COL22A1: variants seen among roughly 807,000 people sequenced by gnomAD.
COL22A1 encodes collagen type XXII alpha 1 chain.
COL22A1 carries 221 observed loss-of-function variants against 248.9 expected under a neutral mutation model. The observed-to-expected ratio is 0.89, with a 90% CI of 0.80 to 0.99. The LOEUF (loss-of-function observed/expected upper bound fraction) is 0.99. Among genes scored for constraint, COL22A1 ranks in the 50% least tolerant of loss-of-function variants. The probability of loss-of-function intolerance (pLI) is 0.00; values close to 1 mark genes in which losing one functional copy is unlikely to be tolerated. For missense variants in COL22A1, 2,240 were observed against 2,179.0 expected (o/e 1.03, Z -0.56); for synonymous variants, 891 against 793.4 (o/e 1.12, Z -2.07).
In COL22A1 at chr8:138,879,657, C is replaced by T. The variant is rs1021160403; in HGVS notation, c.92-1341G>A. ...AGTGAGCCAATATCACATCACTGCC[C>T]TCCAGCCTGGGTGACAGAGTGAGAC... is the stretch of plus-strand genomic sequence containing the variant. On this transcript the variant is annotated intron_variant, in intron 2 of 64. Transcript: ENST00000303045. 4.1e-5 allele frequency among the ~76,000 whole-genome samples: 6 copies of T among 145,218 alleles called. No individual in the cohort carries two copies. The Admixed American group carries it at 4.2e-4, about 10-fold the overall frequency.
At chr8:138,882,000 G>A (rs1314419402) in intron 2 of COL22A1, among the ~76,000 whole-genome samples, 2 of 152,074 alleles carry the variant, frequency 1.3e-5, no homozygotes, top group Non-Finnish European at 2.9e-5. Context: ...CAACTACCGG[G>A]TCTACTACAT....
intron 12 of COL22A1, among the ~76,000 whole-genome samples, chr8:138,783,917 T>C (rs1233483793): frequency 6.6e-6 from 1 of 152,094 alleles, no homozygotes; most frequent in Non-Finnish European, 1.5e-5. Context: ...TTCAAGGGCA[T>C]GGAAGGACCT....
chr8:138,713,724 G>A (rs959329094), intron 30 of COL22A1, among the ~76,000 whole-genome samples: 7 of 145,364 alleles, frequency 4.8e-5, no homozygotes, highest in East Asian at 3.9e-4. Flanking sequence ...CCACCGCCCC[G>A]CCGTAGGGGG....
At chr8:138,630,605 C>T (rs780002927) in intron 50 of COL22A1, 90 bp downstream of exon 50, 19 of 1,096,694 alleles carry the variant, frequency 1.7e-5, no homozygotes, top group Middle Eastern at 4.0e-4. Flanking sequence ...ACAGGAGGCA[C>T]ACAGGACAAG....
intron 2 of COL22A1, among the ~76,000 whole-genome samples, chr8:138,881,732 G>C (rs1294968239): frequency 6.6e-6 from 1 of 152,200 alleles, no homozygotes. Flanking sequence ...TGGGCTCAGC[G>C]TTTTGCTTCC....
At chr8:138,658,154 A>T (rs1823461022) in intron 44 of COL22A1, among the ~76,000 whole-genome samples, 1 of 152,146 alleles carries the variant, frequency 6.6e-6, no homozygotes, top group South Asian at 2.1e-4. Context: ...CTGGAGAAAC[A>T]CTTTGGGTCA....
At chr8:138,811,199 G>A (rs1818179419) in intron 9 of COL22A1, among the ~76,000 whole-genome samples, 1 of 136,852 alleles carries the variant, frequency 7.3e-6, no homozygotes, top group South Asian at 2.4e-4. Context: ...TAGGACGGTC[G>A]TGGTGGTGTT....
chr8:138,838,234 G>A (rs1820584628), intron 4 of COL22A1, among the ~76,000 whole-genome samples: 1 of 152,144 alleles, frequency 6.6e-6, no homozygotes, highest in African/African-American at 2.4e-5. Flanking sequence ...GGCCACCTGA[G>A]GAATCTCACA....
chr8:138,811,927 A>G lies in COL22A1; in HGVS notation c.1327-6T>C. ...GTCACCACGGTCACCTGGCACTGGA[A>G]GGAAAGCCCAGGAGGTCAGAACCTG... On this transcript the variant is annotated splice_polypyrimidine_tract_variant and splice_region_variant and intron_variant, in intron 8 of 64. Coordinates refer to ENST00000303045, the MANE Select transcript of COL22A1 (RefSeq NM_152888.3). 6.5e-7 allele frequency: 1 copy of G among 1,538,438 alleles called. No homozygotes were observed. The highest frequency in any genetic ancestry group is 1.2e-5 in the South Asian group (1 of 80,786).
chr8:138,877,471 T>C (rs112067393), intron 3 of COL22A1, among the ~76,000 whole-genome samples: 48 of 152,238 alleles, frequency 3.2e-4, no homozygotes, highest in African/African-American at 1.1e-3. Context: ...CCCATCCCTC[T>C]TTCATCCCAA....
At chr8:138,859,805 C>G (rs1822317315) in intron 3 of COL22A1, among the ~76,000 whole-genome samples, 3 of 152,210 alleles carry the variant, frequency 2.0e-5, no homozygotes, top group Admixed American at 6.5e-5. Flanking sequence ...ACCTTTGCAT[C>G]CCTGCATGGC....
intron 3 of COL22A1, among the ~76,000 whole-genome samples, chr8:138,871,584 T>C (rs564917450): frequency 6.6e-6 from 1 of 152,332 alleles, no homozygotes; most frequent in African/African-American, 2.4e-5. Flanking sequence ...CTTTCCCTTC[T>C]GGAAAGTGTC....
At chr8:138,775,285 T>C (rs1327187196) in intron 16 of COL22A1, among the ~76,000 whole-genome samples, 1 of 151,614 alleles carries the variant, frequency 6.6e-6, no homozygotes, top group East Asian at 1.9e-4. Flanking sequence ...TGGGTGGGAG[T>C]TGCAGTGGTT....
chr8:138,723,646 G>A (rs190777681), intron 25 of COL22A1, among the ~76,000 whole-genome samples: 58 of 152,310 alleles, frequency 3.8e-4, no homozygotes, highest in Middle Eastern at 3.4e-3. Context: ...TGACGTTGCA[G>A]TTGACTGTGT....
chr8:138,891,079 C>T (rs1475177087), intron 1 of COL22A1, among the ~76,000 whole-genome samples: 1 of 151,792 alleles, frequency 6.6e-6, no homozygotes, highest in Non-Finnish European at 1.5e-5. Context: ...AAAAAGAAAA[C>T]TAGGAAAATG....
At chr8:138,751,624 C>T in intron 21 of COL22A1, 113 bp from the exon 22 acceptor site, 2 of 621,650 alleles carry the variant, frequency 3.2e-6, no homozygotes, top group Non-Finnish European at 5.4e-6. Context: ...TAATACCATC[C>T]CATTCTGATG....
intron 1 of COL22A1, among the ~76,000 whole-genome samples, chr8:138,903,846 G>C (rs1412757734): frequency 1.3e-5 from 2 of 152,148 alleles, no homozygotes; most frequent in Middle Eastern, 3.2e-3. Context: ...CCCTCTGCTA[G>C]GGTTTCTGGG....
intron 12 of COL22A1, among the ~76,000 whole-genome samples, chr8:138,793,710 A>G (rs1230858604): frequency 6.6e-6 from 1 of 152,184 alleles, no homozygotes; most frequent in Admixed American, 6.5e-5. Flanking sequence ...GTGATGCTGC[A>G]GGTAGGACTC....
At chr8:138,604,645 G>T (rs1193297010) in intron 59 of COL22A1, 89 bp downstream of exon 59, 1 of 1,069,984 alleles carries the variant, frequency 9.3e-7, no homozygotes, top group African/African-American at 1.5e-5. Flanking sequence ...GGCAAGTGTG[G>T]GCCCTTCTAA....
Sources: allele counts gnomAD v4.1 joint callset (sites outside exome capture counted in the v4.1 genomes callset), GRCh38; gene constraint gnomAD v4.1.1; transcripts MANE v1.5; gene names NCBI Gene and HGNC (gene_info 2026-07-23, HGNC 2026-07-21).